CFAP44: variants seen among roughly 807,000 people sequenced by gnomAD.
The protein encoded by CFAP44 is cilia- and flagella-associated protein 44.
Under a neutral mutation model 216.2 loss-of-function variants are expected in CFAP44, and 134 were observed. The observed-to-expected ratio is 0.62, with a 90% CI of 0.54 to 0.72. The LOEUF (loss-of-function observed/expected upper bound fraction) is 0.72, where lower values mean the gene tolerates loss of function less well. Among genes scored for constraint, CFAP44 ranks in the 30% least tolerant of loss-of-function variants. The pLI, the probability that CFAP44 is intolerant of heterozygous loss-of-function variation, is 0.00. For synonymous variants in CFAP44, 700 were observed against 727.6 expected, an observed-to-expected ratio of 0.96 and a Z score of 0.61; for missense variants, 2,035 against 2,182.1, an observed-to-expected ratio of 0.93 and a Z score of 1.34.
chr3:113,401,826 CAA>C (rs1934151184), intron 9 of CFAP44, 87 bp from the exon 10 acceptor site: 1 of 1,348,576 alleles, frequency 7.4e-7, no homozygotes, highest in Non-Finnish European at 1.0e-6. Flanking sequence ...ATTTTTTTTT[CAA>C]AAGTCATTTC....
intron 17 of CFAP44, 129 bp downstream of exon 17, chr3:113,379,177 A>G: frequency 1.4e-6 from 1 of 729,930 alleles, no homozygotes; most frequent in Non-Finnish European, 2.0e-6. Context: ...AGTATTTAAT[A>G]AATGAAATCT....
intron 23 of CFAP44, among the ~76,000 whole-genome samples, chr3:113,343,462 C>T (rs1302979591): frequency 6.6e-6 from 1 of 151,938 alleles, no homozygotes; most frequent in African/African-American, 2.4e-5. Context: ...TATAAATAAC[C>T]ATTTCATCAT....
At chr3:113,433,376 C>A (rs1935154096) in intron 2 of CFAP44, among the ~76,000 whole-genome samples, 189 bp downstream of exon 2, 1 of 133,196 alleles carries the variant, frequency 7.5e-6, no homozygotes, top group African/African-American at 2.9e-5. Context: ...TTATAGTAAG[C>A]CAAGATCGTA....
chr3:113,381,464 C>G (rs1169817819), intron 15 of CFAP44, among the ~76,000 whole-genome samples: 2 of 152,182 alleles, frequency 1.3e-5, no homozygotes, highest in Non-Finnish European at 2.9e-5. Context: ...TAGTCAGTCC[C>G]ATCCTACTTT....
At chr3:113,332,705 G>C (rs1950250636) in intron 25 of CFAP44, among the ~76,000 whole-genome samples, 1 of 152,188 alleles carries the variant, frequency 6.6e-6, no homozygotes, top group African/African-American at 2.4e-5. Flanking sequence ...GAATGATCAG[G>C]ATGATTGAAA....
At chr3:113,329,890 A>T (rs6776941) in intron 26 of CFAP44, among the ~76,000 whole-genome samples, 5,447 of 152,226 alleles carry the variant, frequency 0.036, 307 homozygotes, top group African/African-American at 0.12. Flanking sequence ...CTTCAGTTAG[A>T]TGCCAAGTAA....
chr3:113,302,588 C>T (rs1364060065), intron 32 of CFAP44, among the ~76,000 whole-genome samples: 1 of 150,546 alleles, frequency 6.6e-6, no homozygotes, highest in Non-Finnish European at 1.5e-5. Flanking sequence ...GGAGAAACCC[C>T]ATCTCTACTA....
At chr3:113,424,546 T>C (rs966401444) in intron 4 of CFAP44, among the ~76,000 whole-genome samples, 9 of 152,242 alleles carry the variant, frequency 5.9e-5, no homozygotes, top group Non-Finnish European at 8.8e-5. Context: ...ACCTGATGGC[T>C]GACTTGTTCT....
rs1950233194 is a variant in CFAP44, at chr3:113,330,602, C to A, written c.3682G>T (p.Val1228Phe). The A allele has an allele frequency of 1.3e-6, 2 of 1,537,144 alleles. No individual in the cohort carries two copies. The highest frequency in any genetic ancestry group is 1.7e-6 in the Non-Finnish European group (2 of 1,146,876). ...LSLRDLKVAV[V>F]EEIQCLVQEL... ...TGTACCAGGCACTGTATTTCCTCAA[C>A]AACAGCCACTTTAAGGTCTCTAAGA... Residue 1228 changes from valine (V) to phenylalanine (F), a missense_variant, in exon 26 of 35, where the codon GTT becomes TTT. Val to Phe is a conservative substitution (Grantham distance 50, BLOSUM62 -1). Transcript: ENST00000393845.
intron 26 of CFAP44, 133 bp downstream of exon 26, chr3:113,330,035 G>T: frequency 9.2e-7 from 1 of 1,085,028 alleles, no homozygotes; most frequent in Non-Finnish European, 1.3e-6. Flanking sequence ...AGCCATCACT[G>T]AGTGGTAAGC....
chr3:113,373,370 C>A, intron 18 of CFAP44, 41 bp downstream of exon 18: 1 of 1,449,620 alleles, frequency 6.9e-7, no homozygotes, highest in Non-Finnish European at 9.2e-7. Flanking sequence ...TAGACACTAA[C>A]AGGATATGGT....
intron 28 of CFAP44, among the ~76,000 whole-genome samples, chr3:113,313,785 T>C (rs1235447037): frequency 6.6e-6 from 1 of 152,192 alleles, no homozygotes; most frequent in African/African-American, 2.4e-5. Flanking sequence ...AGAAGTGCCT[T>C]TTGCCTCCCA....
chr3:113,325,585 C>T (rs371409607), intron 28 of CFAP44, among the ~76,000 whole-genome samples: 76 of 151,996 alleles, frequency 5.0e-4, no homozygotes, highest in African/African-American at 1.4e-3. Context: ...GCTCGGACTA[C>T]GGCATATTGT....
intron 15 of CFAP44, among the ~76,000 whole-genome samples, chr3:113,384,770 T>C (rs759969041): frequency 3.0e-4 from 45 of 152,190 alleles, no homozygotes; most frequent in Non-Finnish European, 8.8e-5. Context: ...TTTGTTATGG[T>C]AGGTCTAGCA....
intron 24 of CFAP44, among the ~76,000 whole-genome samples, chr3:113,334,151 C>G (rs2107813679): frequency 6.6e-6 from 1 of 152,238 alleles, no homozygotes; most frequent in East Asian, 1.9e-4. Flanking sequence ...GGGGTTTCAT[C>G]ATGTTGGCCA....
intron 22 of CFAP44, among the ~76,000 whole-genome samples, chr3:113,351,118 C>A (rs1374537562): frequency 1.3e-5 from 2 of 152,104 alleles, no homozygotes; most frequent in Non-Finnish European, 2.9e-5. Context: ...TGCACTCAGC[C>A]AAACATTAAA....
At chr3:113,428,798 C>G (rs1255993881) in intron 2 of CFAP44, 1 of 152,118 alleles carries the variant, frequency 6.6e-6, no homozygotes, top group African/African-American at 2.4e-5. Flanking sequence ...AATGCCATAA[C>G]TGTAGATATC....
rs908639962 is a variant in CFAP44, at chr3:113,428,060, G to A, written c.101-721C>T. Among the ~76,000 whole-genome samples, 11 of 152,156 alleles carry A rather than the reference G, an allele frequency of 7.2e-5. No homozygotes were observed. The East Asian group carries it at 1.2e-3, about 16-fold the overall frequency. On this transcript the variant is annotated intron_variant, in intron 2 of 34. Transcript: ENST00000393845. Reference sequence around the variant, plus strand: ...AAGCTGGGCCAAGCCAATTAGTTGCGGAACAGGGCAGAGTTCCTTAGGATG... The same window carrying A: ...AAGCTGGGCCAAGCCAATTAGTTGCAGAACAGGGCAGAGTTCCTTAGGATG...
At chr3:113,299,672 C>A (rs1419841417) in intron 32 of CFAP44, among the ~76,000 whole-genome samples, 1 of 152,114 alleles carries the variant, frequency 6.6e-6, no homozygotes, top group Non-Finnish European at 1.5e-5. Flanking sequence ...TACTGTCCCT[C>A]AACAGACAAT....
Sources: gnomAD v4.1 joint callset for allele counts (sites outside exome capture counted in the v4.1 genomes callset) on GRCh38, gnomAD v4.1.1 for gene constraint, MANE v1.5 for transcripts, NCBI Gene and HGNC (gene_info 2026-07-23, HGNC 2026-07-21) for gene names.